Variants in MACROD2 observed in about 807,000 individuals in gnomAD.
MACROD2 encodes mono-ADP ribosylhydrolase 2, also known as ADP-ribose glycohydrolase MACROD2.
In MACROD2, 36 loss-of-function variants were observed where a neutral mutation model predicts 70.4. The ratio of observed to expected loss-of-function variants is 0.51; its 90% CI spans 0.39 to 0.68. The LOEUF (loss-of-function observed/expected upper bound fraction) is 0.68. Ranked by LOEUF, MACROD2 falls within the 30% of genes least tolerant of loss-of-function variation. The pLI, the probability that MACROD2 is intolerant of heterozygous loss-of-function variation, is 0.00. For missense variants in MACROD2, 496 were observed against 538.4 expected (o/e 0.92, Z 0.78); for synonymous variants, 172 against 178.8 (o/e 0.96, Z 0.30).
intron 3 of MACROD2, among the ~76,000 whole-genome samples, chr20:14,345,994 T>C (rs1367580717): frequency 1.4e-5 from 2 of 144,532 alleles, no homozygotes; most frequent in Admixed American, 7.4e-5. Flanking sequence ...CTTGGGAGGC[T>C]GAGGCAGGAG....
chr20:15,607,824 G>A (rs190054244), intron 8 of MACROD2, among the ~76,000 whole-genome samples: 20 of 152,236 alleles, frequency 1.3e-4, no homozygotes, highest in East Asian at 9.6e-4. Context: ...GTAAGTTACC[G>A]CGCCCGGCTG....
intron 3 of MACROD2, among the ~76,000 whole-genome samples, chr20:14,115,208 C>T (rs1016428718): frequency 7.2e-5 from 11 of 152,136 alleles, no homozygotes; most frequent in African/African-American, 1.4e-4. Flanking sequence ...TGGATCAATT[C>T]GGGGTTTTCC....
chr20:16,020,743 G>A (rs1448168856), intron 15 of MACROD2, among the ~76,000 whole-genome samples: 2 of 151,942 alleles, frequency 1.3e-5, no homozygotes, highest in South Asian at 2.1e-4. Context: ...CTGACTAAAA[G>A]CATGCAGCCA....
chr20:15,635,972 G>A (rs965118558), intron 8 of MACROD2, among the ~76,000 whole-genome samples: 5 of 149,684 alleles, frequency 3.3e-5, no homozygotes, highest in Non-Finnish European at 3.0e-5. Context: ...GCAGGCTGAG[G>A]CAGGAGAACT....
intron 3 of MACROD2, among the ~76,000 whole-genome samples, chr20:14,463,979 A>G (rs996887985): frequency 2.0e-5 from 3 of 151,784 alleles, no homozygotes; most frequent in African/African-American, 7.3e-5. Context: ...CATCAAGGAT[A>G]TTGGTCTAAA....
intron 6 of MACROD2, among the ~76,000 whole-genome samples, chr20:15,303,309 C>G (rs2077664771): frequency 6.6e-6 from 1 of 152,168 alleles, no homozygotes; most frequent in African/African-American, 2.4e-5. Flanking sequence ...ACAGATTTAT[C>G]TTACCATCTA....
chr20:15,490,200 TCCC>T, intron 7 of MACROD2, among the ~76,000 whole-genome samples: 3 of 135,982 alleles, frequency 2.2e-5, no homozygotes, highest in Non-Finnish European at 3.1e-5. Flanking sequence ...TCTTCCTCCC[TCCC>T]CCTTCCTTCC....
chr20:15,082,546 T>TC (rs142059835), intron 5 of MACROD2, among the ~76,000 whole-genome samples: 22,503 of 128,800 alleles, frequency 0.17, 2,390 homozygotes, highest in East Asian at 0.31. Context: ...TTTTTTTTTT[T>TC]CCTAAGCTGA....
intron 7 of MACROD2, among the ~76,000 whole-genome samples, chr20:15,482,948 T>C (rs1425340625): frequency 6.6e-6 from 1 of 152,208 alleles, no homozygotes. Context: ...TAAGAGTTTC[T>C]TGTATATTTA....
At chr20:15,157,409 C>CAGGG (rs1438965297) in intron 5 of MACROD2, among the ~76,000 whole-genome samples, 1 of 147,998 alleles carries the variant, frequency 6.8e-6, no homozygotes, top group Non-Finnish European at 1.5e-5. Flanking sequence ...ACCATCACAT[C>CAGGG]AGGGGCTGGA....
At chr20:14,328,623 A>G (rs1012901266) in intron 3 of MACROD2, among the ~76,000 whole-genome samples, 9 of 152,218 alleles carry the variant, frequency 5.9e-5, no homozygotes, top group Non-Finnish European at 8.8e-5. Flanking sequence ...TGAATATCCA[A>G]TGCACATATA....
chr20:15,311,578 A>T (rs1179077821), intron 6 of MACROD2, among the ~76,000 whole-genome samples: 1 of 152,242 alleles, frequency 6.6e-6, no homozygotes, highest in Non-Finnish European at 1.5e-5. Context: ...CGTGGTACGT[A>T]TATACCATAG....
At chr20:14,157,562 T>A (rs1471380219) in intron 3 of MACROD2, among the ~76,000 whole-genome samples, 1 of 151,978 alleles carries the variant, frequency 6.6e-6, no homozygotes, top group African/African-American at 2.4e-5. Flanking sequence ...CACCCACACA[T>A]CCTTCTCATC....
intron 3 of MACROD2, among the ~76,000 whole-genome samples, chr20:14,454,706 C>G (rs111833167): frequency 6.6e-6 from 1 of 151,222 alleles, no homozygotes; most frequent in Non-Finnish European, 1.5e-5. Context: ...TGATTTGTCC[C>G]TGCTACTCAG....
intron 3 of MACROD2, among the ~76,000 whole-genome samples, chr20:14,408,181 T>C (rs1475585897): frequency 6.6e-6 from 1 of 152,216 alleles, no homozygotes; most frequent in Admixed American, 6.6e-5. Context: ...ATGAATCATA[T>C]TAAGATTTCA....
At chr20:15,212,465 T>A (rs2076772586) in intron 5 of MACROD2, among the ~76,000 whole-genome samples, 1 of 152,194 alleles carries the variant, frequency 6.6e-6, no homozygotes, top group Admixed American at 6.5e-5. Context: ...TTATGAGAAC[T>A]AAAGTAGAGA....
chr20:14,535,910 A>G (rs2085358319), intron 4 of MACROD2, among the ~76,000 whole-genome samples: 1 of 152,208 alleles, frequency 6.6e-6, no homozygotes, highest in South Asian at 2.1e-4. Context: ...TAAAGTTAGC[A>G]CTAATGTAAT....
intron 12 of MACROD2, among the ~76,000 whole-genome samples, chr20:15,949,266 T>G (rs991530603): frequency 2.6e-5 from 4 of 152,204 alleles, no homozygotes; most frequent in African/African-American, 9.6e-5. Flanking sequence ...TAGTAAACTT[T>G]GAGTTGGCAG....
chr20:15,101,897 G>A lies in MACROD2; in HGVS notation c.419-128043G>A, dbSNP rs115601369. Among the ~76,000 whole-genome samples, 122 of 151,532 alleles carry A rather than the reference G, an allele frequency of 8.1e-4. No individual in the cohort carries two copies. The Middle Eastern group carries it at 0.01, about 13-fold the overall frequency. On this transcript the variant is annotated intron_variant, in intron 5 of 17. Transcript: ENST00000684519. ...CTAAAATTATTTCATTTATTTATTCGCTTTCTCCCTTAAGCAACTTGTGTT... is the reference window on the plus strand; with the variant it reads ...CTAAAATTATTTCATTTATTTATTCACTTTCTCCCTTAAGCAACTTGTGTT...
Sources: gnomAD v4.1 joint callset for allele counts (sites outside exome capture counted in the v4.1 genomes callset) on GRCh38, gnomAD v4.1.1 for gene constraint, MANE v1.5 for transcripts, NCBI Gene and HGNC (gene_info 2026-07-23, HGNC 2026-07-21) for gene names.